CDIN1: variants seen among roughly 807,000 people sequenced by gnomAD.
CDIN1 encodes the protein CDAN1-interacting nuclease 1.
Under a neutral mutation model 45.3 loss-of-function variants are expected in CDIN1, and 33 were observed. The ratio of observed to expected loss-of-function variants is 0.73; its 90% CI spans 0.55 to 0.97. CDIN1 has a LOEUF of 0.97. CDIN1 is among the 50% of genes least tolerant of loss of function. CDIN1 has a pLI of 0.00. For synonymous variants in CDIN1, 118 were observed against 124.4 expected (o/e 0.95, Z 0.34); for missense variants, 303 against 339.4 (o/e 0.89, Z 0.84).
chr15:36,794,301 A>G (rs2054732847), intron 10 of CDIN1, among the ~76,000 whole-genome samples: 1 of 151,904 alleles, frequency 6.6e-6, no homozygotes, highest in Admixed American at 6.6e-5. Context: ...TTCGTGATCT[A>G]CCCACCTCAG....
intron 5 of CDIN1, among the ~76,000 whole-genome samples, chr15:36,662,804 C>T (rs1223983927): frequency 6.7e-6 from 1 of 149,074 alleles, no homozygotes; most frequent in Non-Finnish European, 1.5e-5. Flanking sequence ...TAACACAAAT[C>T]GAGTATCCCT....
intron 10 of CDIN1, among the ~76,000 whole-genome samples, chr15:36,764,320 C>A (rs1163938787): frequency 7.0e-6 from 1 of 143,262 alleles, no homozygotes; most frequent in Non-Finnish European, 1.5e-5. Flanking sequence ...AGAGATAATT[C>A]TGTTTTTACT....
chr15:36,702,211 T>G (rs1424336338), intron 8 of CDIN1: 3 of 689,934 alleles, frequency 4.3e-6, no homozygotes, highest in Non-Finnish European at 7.9e-6. Flanking sequence ...AAAAATATGA[T>G]GCTGTTTTTA....
chr15:36,783,571 C>A lies in CDIN1; in HGVS notation c.717-24753C>A, dbSNP rs369385813. Among the ~76,000 whole-genome samples the A allele has an allele frequency of 5.9e-5, 9 of 152,044 alleles. No individual in the cohort carries two copies. The East Asian group carries it at 1.3e-3, about 23-fold the overall frequency. On this transcript the variant is annotated intron_variant, in intron 10 of 10. Transcript: ENST00000566621. Reference sequence around the variant, plus strand: ...GTGTTCATTATTTTTTAAATTGTTTCATGATGAAACCAGAGCCACTTGTTT... The same window carrying A: ...GTGTTCATTATTTTTTAAATTGTTTAATGATGAAACCAGAGCCACTTGTTT...
intron 1 of CDIN1, among the ~76,000 whole-genome samples, chr15:36,597,795 A>T (rs1031434263): frequency 6.6e-6 from 1 of 152,134 alleles, no homozygotes; most frequent in Non-Finnish European, 1.5e-5. Flanking sequence ...ATTGACTGTC[A>T]GTTCTCCTGT....
At chr15:36,774,163 T>TGTGTGTGTGTGTGTGTGTGTGTGTGTGC (rs149222188) in intron 10 of CDIN1, among the ~76,000 whole-genome samples, 4 of 143,152 alleles carry the variant, frequency 2.8e-5, no homozygotes, top group African/African-American at 7.9e-5. Context: ...TGTGTGTGTG[T>TGTGTGTGTGTGTGTGTGTGTGTGTGTGC]GCGCGCGCGC....
chr15:36,603,407 A>G (rs1367515849), intron 1 of CDIN1, among the ~76,000 whole-genome samples: 2 of 152,322 alleles, frequency 1.3e-5, no homozygotes, highest in East Asian at 3.9e-4. Flanking sequence ...TAGGATTTTC[A>G]GTTACATTTT....
chr15:36,662,122 AT>A (rs1461528509), intron 5 of CDIN1, among the ~76,000 whole-genome samples: 6 of 152,182 alleles, frequency 3.9e-5, no homozygotes, highest in African/African-American at 1.4e-4. Context: ...TGTCCTGGAG[AT>A]TTTATACAGC....
chr15:36,618,204 AAAC>A, intron 1 of CDIN1: 1 of 679,918 alleles, frequency 1.5e-6, no homozygotes, highest in South Asian at 1.7e-5. Flanking sequence ...TTCCAAAAAA[AAAC>A]CTGAAGCCTC....
chr15:36,659,966 CTTTTTT>C (rs778988517), intron 5 of CDIN1, among the ~76,000 whole-genome samples: 1 of 105,150 alleles, frequency 9.5e-6, no homozygotes, highest in Non-Finnish European at 1.8e-5. Context: ...CCTTCCTTTT[CTTTTTT>C]TTTTTTTTTT....
intron 5 of CDIN1, among the ~76,000 whole-genome samples, chr15:36,668,807 G>C (rs1425438301): frequency 6.6e-6 from 1 of 152,074 alleles, no homozygotes; most frequent in Admixed American, 6.6e-5. Context: ...AAGTCTTCCA[G>C]AGCCCTAGTT....
intron 1 of CDIN1, among the ~76,000 whole-genome samples, chr15:36,635,802 A>G (rs1030399376): frequency 5.3e-5 from 8 of 152,200 alleles, no homozygotes; most frequent in African/African-American, 1.9e-4. Flanking sequence ...AAATACAGCA[A>G]CCAATATTGG....
intron 10 of CDIN1, among the ~76,000 whole-genome samples, chr15:36,714,330 C>T (rs1422362305): frequency 1.3e-5 from 2 of 151,974 alleles, no homozygotes; most frequent in Non-Finnish European, 2.9e-5. Flanking sequence ...TTATGTTGGT[C>T]GGTTGCTTTC....
intron 10 of CDIN1, among the ~76,000 whole-genome samples, chr15:36,743,379 A>T (rs1257310914): frequency 6.6e-6 from 1 of 152,180 alleles, no homozygotes; most frequent in African/African-American, 2.4e-5. Context: ...TGCTACCTGT[A>T]CCAAAACACA....
intron 5 of CDIN1, among the ~76,000 whole-genome samples, chr15:36,688,960 C>T (rs1006401277): frequency 2.0e-5 from 3 of 152,108 alleles, no homozygotes; most frequent in Non-Finnish European, 4.4e-5. Flanking sequence ...TTCTCTGTTG[C>T]ACTAAAAAGT....
At chr15:36,763,020 G>A (rs2141002911) in intron 10 of CDIN1, among the ~76,000 whole-genome samples, 1 of 152,262 alleles carries the variant, frequency 6.6e-6, no homozygotes, top group East Asian at 1.9e-4. Flanking sequence ...TAATGGGATG[G>A]CTGGGTCAAA....
At chr15:36,721,028 GTGA>G (rs2043397365) in intron 10 of CDIN1, among the ~76,000 whole-genome samples, 2 of 152,192 alleles carry the variant, frequency 1.3e-5, no homozygotes, top group Non-Finnish European at 2.9e-5. Flanking sequence ...ATGATGACCA[GTGA>G]TGATGAGCAT....
intron 10 of CDIN1, among the ~76,000 whole-genome samples, chr15:36,765,058 T>TC (rs1015538044): frequency 2.5e-3 from 45 of 18,006 alleles, no homozygotes; most frequent in African/African-American, 6.9e-3. Context: ...TTTTTCTTTC[T>TC]TTCTTTTTTT....
At chr15:36,695,764 T>C in intron 7 of CDIN1, among the ~76,000 whole-genome samples, 1 of 151,920 alleles carries the variant, frequency 6.6e-6, no homozygotes, top group East Asian at 1.9e-4. Flanking sequence ...GAAGAATTGC[T>C]TGAACCCAGG....
Sources: allele counts gnomAD v4.1 joint callset (sites outside exome capture counted in the v4.1 genomes callset), GRCh38; gene constraint gnomAD v4.1.1; transcripts MANE v1.5; gene names NCBI Gene and HGNC (gene_info 2026-07-23, HGNC 2026-07-21).